The following GREB1L variants were observed in gnomAD, a reference collection of about 807,000 sequenced individuals.
GREB1L encodes the protein GREB1-like protein.
A neutral mutation model predicts 200.8 loss-of-function variants in GREB1L; 17 were observed. The observed-to-expected ratio is 0.08, with a 90% CI of 0.06 to 0.13. GREB1L has a LOEUF of 0.13. GREB1L is among the 10% of genes least tolerant of loss of function. GREB1L has a pLI of 1.00. For synonymous variants in GREB1L, 789 were observed against 893.0 expected, an observed-to-expected ratio of 0.88 and a Z score of 2.08; for missense variants, 1,657 against 2,367.7, an observed-to-expected ratio of 0.70 and a Z score of 6.23.
intron 1 of GREB1L, among the ~76,000 whole-genome samples, chr18:21,277,512 C>T (rs1208818556): frequency 6.6e-6 from 1 of 152,174 alleles, no homozygotes; most frequent in Non-Finnish European, 1.5e-5. Context: ...TTTCCTGCCT[C>T]TTAAGTAGAA....
At chr18:21,284,220 C>A (rs2038318021) in intron 1 of GREB1L, among the ~76,000 whole-genome samples, 1 of 152,132 alleles carries the variant, frequency 6.6e-6, no homozygotes, top group Non-Finnish European at 1.5e-5. Context: ...TTAAAATGTA[C>A]AATGCAGTGG....
intron 4 of GREB1L, chr18:21,387,394 AT>A (rs1455239892): frequency 6.6e-6 from 1 of 152,254 alleles, no homozygotes; most frequent in Non-Finnish European, 1.5e-5. Flanking sequence ...TTTTAAAAAA[AT>A]TAAAATCATT....
In GREB1L at chr18:21,505,405, G is replaced by A. The variant is rs2036972999; in HGVS notation, c.4073-7G>A. On this transcript the variant is annotated splice_polypyrimidine_tract_variant and splice_region_variant and intron_variant, in intron 23 of 32. Transcript: ENST00000424526. ...CACCTGCTCTGCACACTTCCTTCTT[G>A]TCCTAGATCACAATGAAAGCAGTGA... 1.3e-6 allele frequency: 2 copies of A among 1,549,692 alleles called. No homozygotes were observed. Among genetic ancestry groups the A allele is most frequent in the African/African-American group, 1.4e-5 (1 of 73,014 alleles).
chr18:21,455,929 A>G (rs2034743240), intron 15 of GREB1L, among the ~76,000 whole-genome samples: 1 of 118,968 alleles, frequency 8.4e-6, no homozygotes, highest in South Asian at 2.7e-4. Context: ...TGTGAGACAT[A>G]GTCTCACTCT....
At chr18:21,455,185 A>T (rs2034700402) in intron 15 of GREB1L, 1 of 152,364 alleles carries the variant, frequency 6.6e-6, no homozygotes, top group Non-Finnish European at 1.5e-5. Flanking sequence ...TCAGAAATAA[A>T]ATTTGATTAG....
chr18:21,281,198 C>T (rs184004803), intron 1 of GREB1L, among the ~76,000 whole-genome samples: 175 of 152,320 alleles, frequency 1.1e-3, no homozygotes, highest in African/African-American at 4.0e-3. Flanking sequence ...ACCTTTGTCT[C>T]CATACCTGGA....
intron 1 of GREB1L, among the ~76,000 whole-genome samples, chr18:21,336,981 T>C (rs2039195331): frequency 6.6e-6 from 1 of 152,052 alleles, no homozygotes; most frequent in Non-Finnish European, 1.5e-5. Context: ...ATTTTATTGC[T>C]TAACTTTTCC....
chr18:21,507,703 A>G (rs1376763959), intron 25 of GREB1L, among the ~76,000 whole-genome samples: 1 of 152,236 alleles, frequency 6.6e-6, no homozygotes, highest in Non-Finnish European at 1.5e-5. Flanking sequence ...CCTGATATTT[A>G]GAAAGCTGAT....
At chr18:21,467,807 A>G (rs1326119228) in intron 15 of GREB1L, among the ~76,000 whole-genome samples, 3 of 152,048 alleles carry the variant, frequency 2.0e-5, no homozygotes, top group African/African-American at 4.8e-5. Flanking sequence ...GGCGGATCAC[A>G]AGGTCAGGAG....
At chr18:21,448,406 A>G (rs1302099902) in intron 11 of GREB1L, among the ~76,000 whole-genome samples, 1 of 152,052 alleles carries the variant, frequency 6.6e-6, no homozygotes, top group Non-Finnish European at 1.5e-5. Context: ...TAAACACCTC[A>G]TTTTCTTACT....
chr18:21,333,417 G>T (rs1038212528), intron 1 of GREB1L, among the ~76,000 whole-genome samples: 2 of 152,110 alleles, frequency 1.3e-5, no homozygotes, highest in Non-Finnish European at 2.9e-5. Context: ...GCTCATGCCT[G>T]TAATCTCAGC....
At chr18:21,439,404 A>G (rs1034131515) in intron 7 of GREB1L, 117 bp from the exon 8 acceptor site, 6 of 633,046 alleles carry the variant, frequency 9.5e-6, no homozygotes, top group South Asian at 1.9e-5. Context: ...ACTGAGTCCT[A>G]TCCGTGAGGT....
At chr18:21,502,820 C>A (rs943436247) in intron 23 of GREB1L, among the ~76,000 whole-genome samples, 3 of 152,236 alleles carry the variant, frequency 2.0e-5, no homozygotes, top group African/African-American at 7.2e-5. Flanking sequence ...GCTGGCACCA[C>A]AGCAGAGTGA....
At chr18:21,266,535 C>T (rs1449206551) in intron 1 of GREB1L, among the ~76,000 whole-genome samples, 13 of 152,124 alleles carry the variant, frequency 8.5e-5, no homozygotes, top group Admixed American at 8.5e-4. Flanking sequence ...TGCTGAGGGC[C>T]CCCTGCAGCT....
At chr18:21,432,818 T>G (rs978890097) in intron 7 of GREB1L, among the ~76,000 whole-genome samples, 31 of 151,250 alleles carry the variant, frequency 2.0e-4, no homozygotes, top group Non-Finnish European at 1.3e-4. Context: ...GCAATTCTTC[T>G]GCCTCAGCCT....
chr18:21,444,358 C>G lies in GREB1L; in HGVS notation c.1342C>G (p.Leu448Val). The G allele has an allele frequency of 6.4e-7, 1 of 1,552,270 alleles. No individual in the cohort carries two copies. The highest frequency in any genetic ancestry group is 1.2e-5 in the South Asian group (1 of 84,058). Reference protein sequence around the residue: ...EKLGLTGSQFLSVENMILLTI... With the variant: ...EKLGLTGSQFVSVENMILLTI... ...ATTAGGGTTGACCGGCAGCCAATTT[C>G]TGAGCGTGGAAAACATGATTCTTCT... Residue 448 changes from leucine (L) to valine (V), a missense_variant, in exon 11 of 33, where the codon CTG becomes GTG. By Grantham distance (32) the Leu-to-Val change is conservative. Coordinates refer to ENST00000424526, the MANE Select transcript of GREB1L (RefSeq NM_001142966.3).
intron 4 of GREB1L, among the ~76,000 whole-genome samples, chr18:21,393,828 C>T (rs1567974548): frequency 6.6e-6 from 1 of 152,160 alleles, no homozygotes; most frequent in Non-Finnish European, 1.5e-5. Flanking sequence ...TCCGAAAGTG[C>T]TGGGATTACA....
intron 2 of GREB1L, among the ~76,000 whole-genome samples, chr18:21,375,823 T>C (rs1379141688): frequency 1.3e-5 from 2 of 152,190 alleles, no homozygotes; most frequent in Non-Finnish European, 2.9e-5. Flanking sequence ...TCCATGCTAC[T>C]CTTGCAATCA....
chr18:21,244,245 T>C (rs2037559217), intron 1 of GREB1L, among the ~76,000 whole-genome samples: 1 of 152,232 alleles, frequency 6.6e-6, no homozygotes, highest in Admixed American at 6.5e-5. Flanking sequence ...ATTGAATTTT[T>C]CCTCCATTTT....
Sources: gnomAD v4.1 joint callset for allele counts (sites outside exome capture counted in the v4.1 genomes callset) on GRCh38, gnomAD v4.1.1 for gene constraint, MANE v1.5 for transcripts, NCBI Gene and HGNC (gene_info 2026-07-23, HGNC 2026-07-21) for gene names.